The following KCNMA1 variants were observed in gnomAD, a reference collection of about 807,000 sequenced individuals.
KCNMA1 encodes the protein Calcium-activated potassium channel subunit alpha-1.
In KCNMA1, 29 loss-of-function variants were observed where a neutral mutation model predicts 140.0. The ratio of observed to expected loss-of-function variants is 0.21; its 90% CI spans 0.15 to 0.28. The LOEUF (loss-of-function observed/expected upper bound fraction) is 0.28, where lower values mean the gene tolerates loss of function less well. KCNMA1 is among the 10% of genes least tolerant of loss of function. KCNMA1 has a pLI of 1.00. For missense variants in KCNMA1, 880 were observed against 1,602.2 expected (o/e 0.55, Z 7.70); for synonymous variants, 612 against 611.9 (o/e 1.00, Z 0.00).
intron 1 of KCNMA1, among the ~76,000 whole-genome samples, chr10:77,506,906 A>AAG (rs751270620): frequency 6.7e-6 from 1 of 150,182 alleles, no homozygotes; most frequent in Non-Finnish European, 1.5e-5. Context: ...TTGAAATATG[A>AAG]AGAGAGAGAG....
intron 1 of KCNMA1, among the ~76,000 whole-genome samples, chr10:77,439,441 G>A (rs929321207): frequency 1.3e-5 from 2 of 152,162 alleles, no homozygotes; most frequent in Non-Finnish European, 2.9e-5. Context: ...TGGGGAGTAT[G>A]GGGGTGGGAA....
chr10:77,422,039 G>A (rs1196220468), intron 1 of KCNMA1, among the ~76,000 whole-genome samples: 1 of 152,228 alleles, frequency 6.6e-6, no homozygotes, highest in Non-Finnish European at 1.5e-5. Flanking sequence ...ATACAGCATA[G>A]CAAAAGCTCA....
At chr10:77,502,671 A>G (rs975545304) in intron 1 of KCNMA1, among the ~76,000 whole-genome samples, 2 of 152,156 alleles carry the variant, frequency 1.3e-5, no homozygotes, top group Non-Finnish European at 2.9e-5. Context: ...TTCTTCACTG[A>G]GTTCAAATTT....
In KCNMA1 at chr10:76,945,640, G is replaced by T. The variant is rs75796330; in HGVS notation, c.2710-675C>A. Among the ~76,000 whole-genome samples, 143 of 152,196 alleles carry T rather than the reference G, an allele frequency of 9.4e-4. 1 individual carries two copies. In the East Asian group the frequency reaches 0.025, roughly 26 times the overall value. Reference sequence around the variant, plus strand: ...ATGACCTAATTGTCCAACAACATAGGAATGGAGAAATATACTTTTGGACAT... The same window carrying T: ...ATGACCTAATTGTCCAACAACATAGTAATGGAGAAATATACTTTTGGACAT... On this transcript the variant is annotated intron_variant, in intron 22 of 27. Coordinates refer to ENST00000286628, the MANE Select transcript of KCNMA1 (RefSeq NM_001161352.2).
intron 5 of KCNMA1, among the ~76,000 whole-genome samples, chr10:77,162,361 A>G (rs1254820230): frequency 6.6e-6 from 1 of 152,234 alleles, no homozygotes; most frequent in Non-Finnish European, 1.5e-5. Context: ...TGAAGAAAGA[A>G]AGTACTAGCT....
At chr10:77,076,844 A>G (rs751048468) in intron 13 of KCNMA1, among the ~76,000 whole-genome samples, 50 of 152,226 alleles carry the variant, frequency 3.3e-4, no homozygotes, top group Admixed American at 7.9e-4. Context: ...CTAGAATATT[A>G]CTATTACTGG....
intron 2 of KCNMA1, among the ~76,000 whole-genome samples, chr10:77,386,096 T>A (rs2095593934): frequency 1.3e-5 from 2 of 152,210 alleles, no homozygotes; most frequent in South Asian, 4.1e-4. Flanking sequence ...CTGGGCACTT[T>A]CGTGGCCATC....
intron 1 of KCNMA1, among the ~76,000 whole-genome samples, chr10:77,596,801 C>A (rs975698148): frequency 6.6e-6 from 1 of 152,198 alleles, no homozygotes; most frequent in Non-Finnish European, 1.5e-5. Context: ...CAAATACAAG[C>A]TCCAAAAAAG....
At chr10:77,331,812 C>T (rs555753804) in intron 2 of KCNMA1, among the ~76,000 whole-genome samples, 1 of 152,158 alleles carries the variant, frequency 6.6e-6, no homozygotes, top group East Asian at 1.9e-4. Context: ...CAGACCTCAT[C>T]TCTAATATAT....
intron 1 of KCNMA1, among the ~76,000 whole-genome samples, chr10:77,481,388 A>C (rs187915790): frequency 6.6e-6 from 1 of 152,258 alleles, no homozygotes; most frequent in Non-Finnish European, 1.5e-5. Flanking sequence ...CCCTCCTCCA[A>C]AATCATACCT....
chr10:77,023,346 T>C (rs2093069279), intron 16 of KCNMA1, among the ~76,000 whole-genome samples: 1 of 152,202 alleles, frequency 6.6e-6, no homozygotes, highest in African/African-American at 2.4e-5. Context: ...GTAAATATGA[T>C]ACATATATAT....
At chr10:77,556,576 A>C (rs916861333) in intron 1 of KCNMA1, among the ~76,000 whole-genome samples, 2 of 151,694 alleles carry the variant, frequency 1.3e-5, no homozygotes, top group Admixed American at 6.6e-5. Context: ...ATGATGATGA[A>C]GACCAGGATA....
chr10:77,399,913 C>T (rs2096204754), intron 2 of KCNMA1, among the ~76,000 whole-genome samples: 1 of 152,126 alleles, frequency 6.6e-6, no homozygotes, highest in South Asian at 2.1e-4. Context: ...CAAATTCTTC[C>T]CCAGCTGGAC....
At chr10:77,069,097 G>T (rs910039806) in intron 14 of KCNMA1, among the ~76,000 whole-genome samples, 1 of 152,182 alleles carries the variant, frequency 6.6e-6, no homozygotes, top group Non-Finnish European at 1.5e-5. Context: ...TAGAGAGTAA[G>T]TGTGGCCACT....
intron 18 of KCNMA1, among the ~76,000 whole-genome samples, chr10:77,011,385 G>A (rs79814619): frequency 0.018 from 2,680 of 152,270 alleles, 73 homozygotes; most frequent in African/African-American, 0.061. Flanking sequence ...CCCAAAGAGC[G>A]ATGATGCTTG....
chr10:77,139,497 G>A (rs2098121393), intron 5 of KCNMA1, among the ~76,000 whole-genome samples: 1 of 152,162 alleles, frequency 6.6e-6, no homozygotes, highest in South Asian at 2.1e-4. Flanking sequence ...TTGCCAACTG[G>A]AATTTTGTTA....
chr10:77,079,906 C>A (rs1460438083), intron 12 of KCNMA1, among the ~76,000 whole-genome samples: 1 of 152,148 alleles, frequency 6.6e-6, no homozygotes, highest in Non-Finnish European at 1.5e-5. Context: ...ATGAAATCAA[C>A]TATCTCTTGG....
chr10:77,396,690 G>A (rs1474249665), intron 2 of KCNMA1, among the ~76,000 whole-genome samples: 4 of 152,162 alleles, frequency 2.6e-5, no homozygotes, highest in African/African-American at 7.2e-5. Flanking sequence ...TGCCACACAT[G>A]CAACATATTT....
At chr10:77,253,405 C>T (rs994832454) in intron 2 of KCNMA1, among the ~76,000 whole-genome samples, 1 of 152,242 alleles carries the variant, frequency 6.6e-6, no homozygotes, top group Non-Finnish European at 1.5e-5. Context: ...CTACATCATT[C>T]TGTAAGGAAC....
Sources: allele counts gnomAD v4.1 joint callset (sites outside exome capture counted in the v4.1 genomes callset), GRCh38; gene constraint gnomAD v4.1.1; transcripts MANE v1.5; gene names NCBI Gene and HGNC (gene_info 2026-07-23, HGNC 2026-07-21).